Variants in IHO1 observed in about 807,000 individuals in gnomAD.
The protein encoded by IHO1 is interactor of HORMAD1 1.
A neutral mutation model predicts 31.0 loss-of-function variants in IHO1; 13 were observed. The ratio of observed to expected loss-of-function variants is 0.42; its 90% CI spans 0.27 to 0.67. IHO1 has a LOEUF of 0.67. IHO1 is among the 30% of genes least tolerant of loss of function. IHO1 has a pLI of 0.24. For synonymous variants in IHO1, 221 were observed against 248.4 expected (o/e 0.89, Z 1.04); for missense variants, 599 against 687.5 (o/e 0.87, Z 1.44).
In IHO1 at chr3:49,222,246, T is replaced by TA. The variant is rs1236612538; in HGVS notation, c.56+10411dup. 3.9e-5 allele frequency among the ~76,000 whole-genome samples: 6 copies of TA among 152,152 alleles called. 1 individual carries two copies. The highest frequency in any genetic ancestry group is 1.4e-4 in the African/African-American group (6 of 41,430). On this transcript the variant is annotated intron_variant, in intron 2 of 7. Transcript: ENST00000452691. ...AGTTGTATGGCTCTGCGCTGACGGA[T>TA]AGAGAGCTACAAAGCCAACAGTCAT...
At chr3:49,239,744 C>G in intron 3 of IHO1, among the ~76,000 whole-genome samples, 1 of 151,336 alleles carries the variant, frequency 6.6e-6, no homozygotes, top group African/African-American at 2.4e-5. Context: ...CTCACCACAA[C>G]CTCTGCCTTC....
intron 1 of IHO1, among the ~76,000 whole-genome samples, chr3:49,210,985 T>C (rs902112023): frequency 6.7e-6 from 1 of 148,328 alleles, no homozygotes; most frequent in African/African-American, 2.5e-5. Flanking sequence ...TGTGAGCCAC[T>C]GCTCCTGGCC....
intron 2 of IHO1, among the ~76,000 whole-genome samples, chr3:49,221,517 C>T (rs529068605): frequency 6.6e-6 from 1 of 152,322 alleles, no homozygotes; most frequent in South Asian, 2.1e-4. Flanking sequence ...CTCAATCCCC[C>T]CTCTAAACAG....
At chr3:49,230,597 A>ATATT (rs2046469188) in intron 2 of IHO1, among the ~76,000 whole-genome samples, 1 of 152,230 alleles carries the variant, frequency 6.6e-6, no homozygotes, top group South Asian at 2.1e-4. Flanking sequence ...TATGGATGAT[A>ATATT]TATTTTGTAC....
At chr3:49,200,603 G>A (rs773946452) in intron 1 of IHO1, 5 of 983,890 alleles carry the variant, frequency 5.1e-6, no homozygotes, top group Non-Finnish European at 6.0e-6. Flanking sequence ...TCCCCCTCAC[G>A]TGTTCCTCCC....
At chr3:49,253,308 C>G (rs925801531) in intron 6 of IHO1, among the ~76,000 whole-genome samples, 2 of 152,018 alleles carry the variant, frequency 1.3e-5, no homozygotes, top group African/African-American at 4.8e-5. Flanking sequence ...GCCTGTAATC[C>G]TAGCTACTCC....
intron 3 of IHO1, among the ~76,000 whole-genome samples, chr3:49,239,849 C>T (rs200354811): frequency 1.3e-5 from 2 of 151,324 alleles, no homozygotes; most frequent in East Asian, 2.0e-4. Context: ...TTAGTAGAGA[C>T]GGGGTTTCTC....
In IHO1 at chr3:49,213,794, G is replaced by A. The variant is rs1185010773; in HGVS notation, c.56+1958G>A. The A allele has an allele frequency of 4.0e-5, 7 of 176,808 alleles. 1 individual carries two copies. The highest frequency in any genetic ancestry group is 8.8e-5 in the Non-Finnish European group (7 of 79,442). 11.0% of individuals were successfully genotyped at this position (176,808 alleles called of 1,614,324 possible). A position where few individuals can be genotyped will look rare whatever the true frequency, so the allele number is the denominator to read the frequency against. ...CTCGAGCTGGCCCGCAAGTGCATGC[G>A]CAGCCCTGGTTTCTGCCCGTGCCTC... On this transcript the variant is annotated intron_variant, in intron 2 of 7. Transcript: ENST00000452691.
chr3:49,220,618 C>T (rs1185821557), intron 2 of IHO1, among the ~76,000 whole-genome samples: 3 of 152,138 alleles, frequency 2.0e-5, no homozygotes, highest in African/African-American at 7.2e-5. Flanking sequence ...ACTGTAATCC[C>T]AGCACTTTGG....
chr3:49,234,457 G>C (rs1575579952), intron 2 of IHO1, among the ~76,000 whole-genome samples: 1 of 151,884 alleles, frequency 6.6e-6, no homozygotes, highest in Non-Finnish European at 1.5e-5. Flanking sequence ...TAGGATTACA[G>C]GCATGAGCCA....
chr3:49,237,335 T>C (rs1395677661), intron 3 of IHO1, among the ~76,000 whole-genome samples: 2 of 152,126 alleles, frequency 1.3e-5, no homozygotes, highest in East Asian at 3.8e-4. Flanking sequence ...AGATAGAGCA[T>C]GACTCTGTCT....
chr3:49,219,628 C>A (rs992918994), intron 2 of IHO1, among the ~76,000 whole-genome samples: 1 of 152,096 alleles, frequency 6.6e-6, no homozygotes, highest in Admixed American at 6.6e-5. Context: ...TTAGGGTCTC[C>A]ACAACCGAGC....
intron 2 of IHO1, among the ~76,000 whole-genome samples, chr3:49,220,607 GA>G (rs2046342511): frequency 6.6e-6 from 1 of 152,176 alleles, no homozygotes; most frequent in Non-Finnish European, 1.5e-5. Flanking sequence ...GGTGGCTCAT[GA>G]CTGTAATCCC....
chr3:49,241,870 C>G (rs1041386818), intron 4 of IHO1, among the ~76,000 whole-genome samples: 1 of 150,460 alleles, frequency 6.6e-6, no homozygotes. Context: ...ATCCACCCAT[C>G]TCAGCCTCCC....
intron 6 of IHO1, among the ~76,000 whole-genome samples, chr3:49,255,165 T>C (rs1259754053): frequency 1.3e-5 from 2 of 152,190 alleles, no homozygotes; most frequent in Non-Finnish European, 2.9e-5. Context: ...CAGAAGCTTT[T>C]GTGCTGTTGT....
chr3:49,239,009 T>C (rs936975210), intron 3 of IHO1, among the ~76,000 whole-genome samples: 2 of 152,144 alleles, frequency 1.3e-5, no homozygotes, highest in Admixed American at 6.5e-5. Flanking sequence ...AACTTGTTTT[T>C]CTCTTTACAT....
rs533067300 is a variant in IHO1, at chr3:49,228,649, G to A, written c.57-7899G>A. 9.9e-5 allele frequency among the ~76,000 whole-genome samples: 15 copies of A among 152,250 alleles called. No homozygotes were observed. The South Asian group carries it at 2.9e-3, about 29-fold the overall frequency. On this transcript the variant is annotated intron_variant, in intron 2 of 7. Transcript: ENST00000452691. Reference sequence around the variant, plus strand: ...AGCTCTTAAAGATGGTATGTCCGGAGTTTGTTCCTTCAGACGTTTAGATGT... The same window carrying A: ...AGCTCTTAAAGATGGTATGTCCGGAATTTGTTCCTTCAGACGTTTAGATGT...
chr3:49,240,938 G>C lies in IHO1; in HGVS notation c.232-288G>C, dbSNP rs76912185. Among the ~76,000 whole-genome samples the C allele has an allele frequency of 3.7e-3, 568 of 152,204 alleles. 7 individuals are homozygous for C. The highest frequency in any genetic ancestry group is 0.014 in the East Asian group (72 of 5,178). On this transcript the variant is annotated intron_variant, in intron 3 of 7. Coordinates refer to ENST00000452691, the MANE Select transcript of IHO1 (RefSeq NM_001135197.2). ...ACATCATGTCAGAAATAGCATAAAT[G>C]GTTCTCTGTTCTTGCCTTTAAATTT...
At chr3:49,223,416 G>A (rs965702814) in intron 2 of IHO1, among the ~76,000 whole-genome samples, 5 of 152,202 alleles carry the variant, frequency 3.3e-5, no homozygotes, top group Non-Finnish European at 7.3e-5. Flanking sequence ...CCATTGGCCA[G>A]GTGTGTGGCT....
Sources: allele counts gnomAD v4.1 joint callset (sites outside exome capture counted in the v4.1 genomes callset), GRCh38; gene constraint gnomAD v4.1.1; transcripts MANE v1.5; gene names NCBI Gene and HGNC (gene_info 2026-07-23, HGNC 2026-07-21).